The following ZFYVE27 variants were observed in gnomAD, a reference collection of about 807,000 sequenced individuals.
The protein encoded by ZFYVE27 is protrudin.
A neutral mutation model predicts 52.8 loss-of-function variants in ZFYVE27; 36 were observed. The ratio of observed to expected loss-of-function variants is 0.68; its 90% CI spans 0.52 to 0.90. The LOEUF (loss-of-function observed/expected upper bound fraction) is 0.90. Ranked by LOEUF, ZFYVE27 falls within the 40% of genes least tolerant of loss-of-function variation. ZFYVE27 has a pLI of 0.00. For missense variants in ZFYVE27, 450 were observed against 527.2 expected, an observed-to-expected ratio of 0.85 and a Z score of 1.43; for synonymous variants, 223 against 215.6, an observed-to-expected ratio of 1.03 and a Z score of -0.30.
intron 4 of ZFYVE27, among the ~76,000 whole-genome samples, chr10:97,747,717 T>A (rs1223246669): frequency 6.6e-6 from 1 of 152,158 alleles, no homozygotes; most frequent in Non-Finnish European, 1.5e-5. Context: ...ATGGTCAAAT[T>A]CATCTTATAC....
chr10:97,750,749 CT>C (rs987367899), intron 7 of ZFYVE27, among the ~76,000 whole-genome samples: 2 of 145,470 alleles, frequency 1.4e-5, no homozygotes, highest in African/African-American at 2.5e-5. Flanking sequence ...TTTTTTTTTC[CT>C]TTTTTTTTGA....
In ZFYVE27 at chr10:97,749,427, T is replaced by G. The variant is rs138730744; in HGVS notation, c.552-47T>G. 389 of 1,478,156 alleles carry G rather than the reference T, an allele frequency of 2.6e-4. 1 individual carries two copies. The highest frequency in any genetic ancestry group is 7.7e-4 in the Admixed American group (46 of 59,808). The allele number at this position is 1,478,156 out of a possible 1,614,324, so 91.6% of individuals were successfully genotyped here. On this transcript the variant is annotated intron_variant, in intron 5 of 12. Transcript: ENST00000684270. ...TGGGTGTGCTCCAAACCCGTCTCCT[T>G]CTGCTGTTACGAATTTCTGATCTTG...
chr10:97,751,606 A>C (rs2047019367), intron 8 of ZFYVE27, 144 bp downstream of exon 8: 6 of 809,702 alleles, frequency 7.4e-6, no homozygotes, highest in African/African-American at 1.7e-5. Context: ...AAAGAGTGCC[A>C]CTGAACCCCT....
intron 2 of ZFYVE27, among the ~76,000 whole-genome samples, chr10:97,740,064 T>TA (rs1393940453): frequency 1.3e-5 from 2 of 152,210 alleles, no homozygotes; most frequent in African/African-American, 4.8e-5. Flanking sequence ...TGCACATGTG[T>TA]GTATTTCTAG....
At position 97,748,296 on chromosome 10, in the gene ZFYVE27, C is replaced by T. The variant is rs371259221; in HGVS notation, c.483C>T (p.Ser161=). ...SFLIQLEAFL[S]RLCCTCEAAY... is the part of the protein sequence containing the mutation. Reference sequence around the variant, plus strand: ...TGATCCAGCTGGAGGCCTTCCTGAGCCGCCTGTGCTGCACATGTGAAGCCG... The same window carrying T: ...TGATCCAGCTGGAGGCCTTCCTGAGTCGCCTGTGCTGCACATGTGAAGCCG... The change falls in exon 5 of 13, where the codon AGC becomes AGT. Residue 161 remains serine (S), a synonymous_variant. Transcript: ENST00000684270. The T allele has an allele frequency of 3.1e-6, 5 of 1,614,002 alleles. No homozygotes were observed. The highest frequency in any genetic ancestry group is 4.2e-6 in the Non-Finnish European group (5 of 1,180,038).
chr10:97,757,751 T>C (rs375951015), intron 12 of ZFYVE27, 28 bp downstream of exon 12: 8 of 1,611,328 alleles, frequency 5.0e-6, no homozygotes, highest in African/African-American at 1.3e-5. Flanking sequence ...TGGGAGGGCT[T>C]GGTTGGTATC....
At chr10:97,737,848 G>C (rs2042522503) in intron 1 of ZFYVE27, among the ~76,000 whole-genome samples, 1 of 152,250 alleles carries the variant, frequency 6.6e-6, no homozygotes. Context: ...GAACCGAAGG[G>C]AGTGGGAAGA....
chr10:97,740,936 G>A (rs1289432816), intron 2 of ZFYVE27, among the ~76,000 whole-genome samples: 1 of 152,120 alleles, frequency 6.6e-6, no homozygotes, highest in East Asian at 1.9e-4. Flanking sequence ...TTTATAGAAG[G>A]GAAGAGGCTT....
chr10:97,749,578 T>A lies in ZFYVE27; in HGVS notation c.656T>A (p.Phe219Tyr). Residue 219 changes from phenylalanine to tyrosine, a missense_variant, in exon 6 of 13, where the codon TTC becomes TAC. By Grantham distance (22) the Phe-to-Tyr change is conservative (BLOSUM62 3). Coordinates refer to ENST00000684270, the MANE Select transcript of ZFYVE27 (RefSeq NM_001385875.1). ...ACGCTCTTTCTGGGGAATGTGGAGTTCTTCCGAGGTAAGCCCTGAAGGGCC... is the reference window on the plus strand; with the variant it reads ...ACGCTCTTTCTGGGGAATGTGGAGTACTTCCGAGGTAAGCCCTGAAGGGCC... The part of the protein sequence containing the change: ...NSTLFLGNVE[F>Y]FRVVSEYRAS... 1 of 1,614,080 alleles carries A rather than the reference T, an allele frequency of 6.2e-7. No individual in the cohort carries two copies. The highest frequency in any genetic ancestry group is 8.5e-7 in the Non-Finnish European group (1 of 1,179,928).
rs149009585 is a variant in ZFYVE27, at chr10:97,756,146, C to T, written c.1043-1119C>T. ...TTGCCTGTCCCATTCCCCTTGTGTC[C>T]CTTGCTAAGGAGAGGCTGGGGCAGG... On this transcript the variant is annotated intron_variant, in intron 10 of 12. Transcript: ENST00000684270. Among the ~76,000 whole-genome samples the T allele has an allele frequency of 2.0e-4, 31 of 152,250 alleles. 2 individuals carry two copies. The East Asian group carries it at 6.0e-3, about 29-fold the overall frequency.
intron 3 of ZFYVE27, among the ~76,000 whole-genome samples, chr10:97,744,050 A>T (rs1359132597): frequency 6.6e-6 from 1 of 152,192 alleles, no homozygotes; most frequent in Non-Finnish European, 1.5e-5. Flanking sequence ...CAGTTCATAT[A>T]AGATCTCATT....
chr10:97,749,103 C>A (rs190732529), intron 5 of ZFYVE27, among the ~76,000 whole-genome samples: 5 of 152,296 alleles, frequency 3.3e-5, no homozygotes, highest in African/African-American at 1.2e-4. Context: ...CCATCTTACA[C>A]GGGAAGGGAG....
intron 10 of ZFYVE27, among the ~76,000 whole-genome samples, chr10:97,756,141 G>T (rs2048296619): frequency 6.6e-6 from 1 of 152,162 alleles, no homozygotes. Flanking sequence ...CATTCCCCTT[G>T]TGTCCCTTGC....
chr10:97,759,240 T>C lies in ZFYVE27; in HGVS notation c.1176T>C (p.Pro392=). The change falls in exon 13 of 13, where the codon CCT becomes CCC. Residue 392 remains proline (P), a synonymous_variant. Coordinates refer to ENST00000684270, the MANE Select transcript of ZFYVE27 (RefSeq NM_001385875.1). ...VPKSSMGATA[P]EAQRETVFVC... ...CAAGTTCTTCCTCCTTTTCAGCCCC[T>C]GAAGCCCAGAGGGAGACTGTGTTTG... The C allele has an allele frequency of 2.5e-6, 4 of 1,614,194 alleles. No homozygotes were observed. The highest frequency in any genetic ancestry group is 3.4e-6 in the Non-Finnish European group (4 of 1,180,028).
intron 10 of ZFYVE27, among the ~76,000 whole-genome samples, chr10:97,755,554 GCA>G (rs2048145326): frequency 6.6e-6 from 1 of 152,204 alleles, no homozygotes; most frequent in African/African-American, 2.4e-5. Flanking sequence ...TTTTATAAGG[GCA>G]CTAATCCCAT....
Position 97,744,750 on chromosome 10 carries a change from C to T in ZFYVE27, c.290C>T (p.Ala97Val), listed in dbSNP as rs367545791. ...GCAGGTGCATGGTACTCAGTAGGTG[C>T]CCTGATGATTTCAGTGCCCGCCCTG... ...LNEGAWYSVG[A>V]LMISVPALLG... The change falls in exon 4 of 13, where the codon GCC becomes GTC. Residue 97 changes from alanine (A) to valine (V), a missense_variant. By Grantham distance (64) the Ala-to-Val change is moderately conservative (BLOSUM62 0). Coordinates refer to ENST00000684270, the MANE Select transcript of ZFYVE27 (RefSeq NM_001385875.1). The T allele has an allele frequency of 3.0e-5, 48 of 1,613,844 alleles. No homozygotes were observed. The highest frequency in any genetic ancestry group is 3.7e-5 in the Non-Finnish European group (44 of 1,180,024).
intron 2 of ZFYVE27, among the ~76,000 whole-genome samples, chr10:97,741,801 C>T (rs1160412666): frequency 6.6e-6 from 1 of 152,118 alleles, no homozygotes; most frequent in East Asian, 1.9e-4. Flanking sequence ...ATTAGTTAAC[C>T]TCATTCAGTA....
Position 97,744,850 on chromosome 10 carries a change from G to A in ZFYVE27, c.390G>A (p.Val130=), listed in dbSNP as rs1369196209. 2.5e-6 allele frequency: 4 copies of A among 1,612,668 alleles called. No homozygotes were observed. Among genetic ancestry groups the A allele is most frequent in the Non-Finnish European group, 3.4e-6 (4 of 1,179,508 alleles). Residue 130 remains valine, a synonymous_variant, in exon 4 of 13, where the codon GTG becomes GTA. Coordinates refer to ENST00000684270, the MANE Select transcript of ZFYVE27 (RefSeq NM_001385875.1). The stretch of plus-strand genomic sequence containing the variant: ...TGATGCGGAGGAAGTATCATAGCGT[G>A]AGGCAGGAGGACCTGCAGAGAGGTC... ...SELMRRKYHS[V]RQEDLQRGRL...
chr10:97,746,051 A>ATT lies in ZFYVE27; in HGVS notation c.455+1150_455+1151dup, dbSNP rs71488840. On this transcript the variant is annotated intron_variant, in intron 4 of 12. Coordinates refer to ENST00000684270, the MANE Select transcript of ZFYVE27 (RefSeq NM_001385875.1). ...CACATATATATATATATATATATAT[A>ATT]TTTTTTTTTTTTTTTGAGACAGAGT... 3.0e-3 allele frequency among the ~76,000 whole-genome samples: 192 copies of ATT among 64,140 alleles called. 2 individuals are homozygous for ATT. Among genetic ancestry groups the ATT allele is most frequent in the East Asian group, 0.016 (38 of 2,306 alleles). 42.1% of individuals were successfully genotyped at this position (64,140 alleles called of 152,430 possible). A position where few individuals can be genotyped will look rare whatever the true frequency, so the allele number is the denominator to read the frequency against.
Sources: allele counts gnomAD v4.1 joint callset (sites outside exome capture counted in the v4.1 genomes callset), GRCh38; gene constraint gnomAD v4.1.1; transcripts MANE v1.5; gene names NCBI Gene and HGNC (gene_info 2026-07-23, HGNC 2026-07-21).